The following UGGT2 variants were observed in gnomAD, a reference collection of about 807,000 sequenced individuals.
UGGT2 encodes UDP-glucose:glycoprotein glucosyltransferase 2.
UGGT2 carries 180 observed loss-of-function variants against 192.1 expected under a neutral mutation model. The ratio of observed to expected loss-of-function variants is 0.94; its 90% confidence interval spans 0.83 to 1.06. UGGT2 has a LOEUF of 1.06. Among genes scored for constraint, UGGT2 ranks in the 50% least tolerant of loss-of-function variants. The pLI is 0.00. For missense variants in UGGT2, 1,849 were observed against 1,795.7 expected (o/e 1.03, Z -0.54); for synonymous variants, 580 against 591.0 (o/e 0.98, Z 0.27).
chr13:95,923,233 A>T lies in UGGT2; in HGVS notation c.2295+2447T>A, dbSNP rs530539909. ...CACCTGGCTAATTGTTTTTAAAAAAATTTTTTTTAGAGACAGAGTCTTGTT... is the reference window on the plus strand; with the variant it reads ...CACCTGGCTAATTGTTTTTAAAAAATTTTTTTTTAGAGACAGAGTCTTGTT... On this transcript the variant is annotated intron_variant, in intron 20 of 38. Coordinates refer to ENST00000376747, the MANE Select transcript of UGGT2 (RefSeq NM_020121.4). Among the ~76,000 whole-genome samples, 8 of 151,982 alleles carry T rather than the reference A, an allele frequency of 5.3e-5. No individual in the cohort carries two copies. The South Asian group carries it at 8.3e-4, about 16-fold the overall frequency.
At chr13:95,921,511 G>A (rs1199422717) in intron 20 of UGGT2, among the ~76,000 whole-genome samples, 3 of 151,898 alleles carry the variant, frequency 2.0e-5, no homozygotes, top group South Asian at 2.1e-4. Flanking sequence ...AACACTACAC[G>A]AAGTTACAGA....
At chr13:95,954,580 C>T (rs188899320) in intron 12 of UGGT2, among the ~76,000 whole-genome samples, 37 of 152,198 alleles carry the variant, frequency 2.4e-4, no homozygotes, top group African/African-American at 8.4e-4. Context: ...TTAAAACAGA[C>T]ATTCCTTTCT....
chr13:95,911,277 C>CA (rs1324449997), intron 20 of UGGT2, among the ~76,000 whole-genome samples: 24 of 151,960 alleles, frequency 1.6e-4, no homozygotes, highest in Non-Finnish European at 4.4e-5. Context: ...AAAAACCCTT[C>CA]AAAAAATCAA....
intron 24 of UGGT2, among the ~76,000 whole-genome samples, chr13:95,893,158 A>T (rs1050376883): frequency 2.0e-5 from 3 of 152,132 alleles, no homozygotes; most frequent in African/African-American, 7.2e-5. Flanking sequence ...TTCTAATTTA[A>T]GTTACCCTGT....
At chr13:95,835,930 C>G (rs915302891) in intron 37 of UGGT2, among the ~76,000 whole-genome samples, 2 of 152,224 alleles carry the variant, frequency 1.3e-5, no homozygotes, top group South Asian at 2.1e-4. Flanking sequence ...TTTAAGTAGA[C>G]AAAATTGTCT....
chr13:95,837,343 T>A, intron 36 of UGGT2, 141 bp from the exon 37 acceptor site: 1 of 642,448 alleles, frequency 1.6e-6, no homozygotes, highest in Admixed American at 2.6e-5. Context: ...ACTTTAAAGC[T>A]TAAAATACCT....
chr13:95,953,812 G>A (rs1222679423), intron 12 of UGGT2, among the ~76,000 whole-genome samples: 2 of 152,224 alleles, frequency 1.3e-5, no homozygotes, highest in East Asian at 3.9e-4. Context: ...TGTCAGAAGG[G>A]GGTAGTGTTT....
At chr13:95,922,379 G>C (rs2048873167) in intron 20 of UGGT2, among the ~76,000 whole-genome samples, 1 of 152,148 alleles carries the variant, frequency 6.6e-6, no homozygotes, top group African/African-American at 2.4e-5. Flanking sequence ...TTGGAGAACA[G>C]AATCATTAGA....
chr13:96,048,341 A>G (rs1338586582), intron 1 of UGGT2, among the ~76,000 whole-genome samples: 2 of 152,228 alleles, frequency 1.3e-5, no homozygotes, highest in African/African-American at 4.8e-5. Context: ...AGCAGTGTGT[A>G]GAGGGAAATT....
chr13:96,029,815 G>T (rs921472376), intron 2 of UGGT2, among the ~76,000 whole-genome samples: 1 of 152,098 alleles, frequency 6.6e-6, no homozygotes, highest in Admixed American at 6.5e-5. Flanking sequence ...TTTTAAGATT[G>T]CGTCTCCAAT....
chr13:95,991,993 T>A (rs2051472815), intron 7 of UGGT2, among the ~76,000 whole-genome samples: 1 of 152,020 alleles, frequency 6.6e-6, no homozygotes, highest in South Asian at 2.1e-4. Context: ...TGAAACCCCA[T>A]CTCTACTAAA....
At chr13:96,023,517 A>G (rs2052575455) in intron 3 of UGGT2, 112 bp downstream of exon 3, 1 of 1,139,542 alleles carries the variant, frequency 8.8e-7, no homozygotes, top group Admixed American at 2.9e-5. Flanking sequence ...AGGCTATGGA[A>G]CCAACTATAA....
At chr13:96,016,783 G>C (rs553073647) in intron 4 of UGGT2, among the ~76,000 whole-genome samples, 1 of 152,250 alleles carries the variant, frequency 6.6e-6, no homozygotes, top group Middle Eastern at 3.4e-3. Context: ...AGCTAGTGGA[G>C]GGGGGGCTGC....
intron 10 of UGGT2, among the ~76,000 whole-genome samples, chr13:95,976,279 C>T (rs1419788218): frequency 2.0e-5 from 3 of 152,038 alleles, no homozygotes; most frequent in Non-Finnish European, 2.9e-5. Flanking sequence ...AATAATATTC[C>T]ATTGTGTCTA....
In UGGT2 at chr13:95,977,822, G is replaced by A. The variant is rs537864301; in HGVS notation, c.1093-5151C>T. On this transcript the variant is annotated intron_variant, in intron 10 of 38. Transcript: ENST00000376747. ...GCTCATCAATGATAGACTGGATAAA[G>A]AAAATGTGGCACATGTACACCATGG... Among the ~76,000 whole-genome samples the A allele has an allele frequency of 7.6e-4, 115 of 152,252 alleles. 1 individual carries two copies. The South Asian group carries it at 0.023, about 30-fold the overall frequency.
At chr13:95,952,634 T>G (rs888514629) in intron 12 of UGGT2, among the ~76,000 whole-genome samples, 3 of 152,180 alleles carry the variant, frequency 2.0e-5, no homozygotes, top group African/African-American at 7.2e-5. Flanking sequence ...GGAAGGCCAA[T>G]GATATTTTGC....
chr13:95,972,658 C>A lies in UGGT2; in HGVS notation c.1106G>T (p.Arg369Ile). ...AGCATCGCCTGGCTGAATTTTAAAT[C>A]TAACTTGAAGATCCTTGAAGTAGAG... ...IKENQKDLQV[R>I]FKIQPGDARL... The change falls in exon 11 of 39, where the codon AGA becomes ATA. Residue 369 changes from arginine (R) to isoleucine (I), a missense_variant. By Grantham distance (97) the Arg-to-Ile change is moderately conservative. Transcript: ENST00000376747. 2.5e-6 allele frequency: 4 copies of A among 1,613,648 alleles called. No individual in the cohort carries two copies. The highest frequency in any genetic ancestry group is 3.4e-6 in the Non-Finnish European group (4 of 1,179,726).
chr13:95,923,826 C>G (rs1183110157), intron 20 of UGGT2, among the ~76,000 whole-genome samples: 15 of 151,886 alleles, frequency 9.9e-5, no homozygotes, highest in Admixed American at 7.9e-4. Flanking sequence ...TATAAAAAAC[C>G]CAGAAAGGAA....
intron 13 of UGGT2, among the ~76,000 whole-genome samples, chr13:95,949,006 C>G (rs1431955893): frequency 6.6e-6 from 1 of 152,198 alleles, no homozygotes; most frequent in Non-Finnish European, 1.5e-5. Context: ...CTTCCTGCCA[C>G]TATGTGAAGA....
Sources: gnomAD v4.1 joint callset for allele counts (sites outside exome capture counted in the v4.1 genomes callset) on GRCh38, gnomAD v4.1.1 for gene constraint, MANE v1.5 for transcripts, NCBI Gene and HGNC (gene_info 2026-07-23, HGNC 2026-07-21) for gene names.